The following CCDC126 variants were observed in gnomAD, a reference collection of about 807,000 sequenced individuals.
The protein encoded by CCDC126 is coiled-coil domain-containing protein 126.
CCDC126 carries 5 observed loss-of-function variants against 11.7 expected under a neutral mutation model. That is an observed-to-expected ratio of 0.43 (90% CI 0.22 to 0.90). CCDC126 has a LOEUF of 0.90. Ranked by LOEUF, CCDC126 falls within the 40% of genes least tolerant of loss-of-function variation. CCDC126 has a pLI of 0.27. For missense variants in CCDC126, 150 were observed against 163.1 expected (o/e 0.92, Z 0.44); for synonymous variants, 60 against 61.9 (o/e 0.97, Z 0.14).
intron 2 of CCDC126, among the ~76,000 whole-genome samples, chr7:23,607,159 G>T (rs1782637500): frequency 1.3e-5 from 2 of 152,038 alleles, no homozygotes; most frequent in South Asian, 4.1e-4. Flanking sequence ...CAAGTTTTGT[G>T]TTTTTTTTAA....
At chr7:23,636,600 A>G in intron 3 of CCDC126, among the ~76,000 whole-genome samples, 1 of 112,198 alleles carries the variant, frequency 8.9e-6, no homozygotes, top group African/African-American at 3.6e-5. Context: ...GCCCCGTCTG[A>G]GAAGTGAGGA....
At chr7:23,605,284 A>C (rs1471832399) in intron 2 of CCDC126, among the ~76,000 whole-genome samples, 5 of 152,084 alleles carry the variant, frequency 3.3e-5, no homozygotes, top group African/African-American at 4.8e-5. Flanking sequence ...TAGAAGTCAG[A>C]TTATGTAGGG....
intron 3 of CCDC126, among the ~76,000 whole-genome samples, chr7:23,627,233 C>T (rs1783031330): frequency 6.6e-6 from 1 of 152,042 alleles, no homozygotes; most frequent in African/African-American, 2.4e-5. Flanking sequence ...AAATAGATGC[C>T]AGCCAGGTGC....
chr7:23,624,237 A>T (rs1351143786), intron 3 of CCDC126, among the ~76,000 whole-genome samples: 1 of 152,220 alleles, frequency 6.6e-6, no homozygotes, highest in Non-Finnish European at 1.5e-5. Context: ...GTGGGTACCT[A>T]GACTAAGCTT....
intron 3 of CCDC126, among the ~76,000 whole-genome samples, chr7:23,618,516 A>G (rs1301718407): frequency 1.3e-5 from 2 of 150,840 alleles, no homozygotes; most frequent in Non-Finnish European, 3.0e-5. Flanking sequence ...CCTCCCAACA[A>G]CTGGAGACAA....
chr7:23,612,367 A>C (rs1014245915), intron 3 of CCDC126, among the ~76,000 whole-genome samples: 15 of 144,992 alleles, frequency 1.0e-4, no homozygotes, highest in Non-Finnish European at 1.7e-4. Context: ...CGGGAGACTG[A>C]GGCAGGATGA....
At chr7:23,602,398 A>T (rs1004174616) in intron 2 of CCDC126, among the ~76,000 whole-genome samples, 1 of 152,186 alleles carries the variant, frequency 6.6e-6, no homozygotes, top group Non-Finnish European at 1.5e-5. Context: ...CACCAATAAG[A>T]ATATATTTTT....
intron 3 of CCDC126, among the ~76,000 whole-genome samples, chr7:23,623,191 T>C (rs1264474815): frequency 6.6e-6 from 1 of 151,760 alleles, no homozygotes; most frequent in East Asian, 1.9e-4. Context: ...CTTTTGTATT[T>C]TTACTACAGA....
intron 3 of CCDC126, among the ~76,000 whole-genome samples, chr7:23,619,073 T>C (rs1782844026): frequency 6.6e-6 from 1 of 152,164 alleles, no homozygotes; most frequent in African/African-American, 2.4e-5. Context: ...CTTCATTTAC[T>C]CTTCCAGTTT....
intron 2 of CCDC126, among the ~76,000 whole-genome samples, chr7:23,598,805 A>G (rs1782477853): frequency 6.6e-6 from 1 of 152,242 alleles, no homozygotes; most frequent in African/African-American, 2.4e-5. Flanking sequence ...GGCTACGGAA[A>G]TAGGAGTCCT....
Position 23,643,030 on chromosome 7 carries a change from C to G in CCDC126, c.338C>G (p.Ala113Gly). 1 of 1,614,034 alleles carries G rather than the reference C, an allele frequency of 6.2e-7. No individual in the cohort carries two copies. The change falls in exon 4 of 4, where the codon GCA becomes GGA. Residue 113 changes from alanine (A) to glycine (G), a missense_variant. Transcript: ENST00000307471. ...GACTATATTGTTGTGAATGGCTCAG[C>G]AGCCAACACCACCAATGGTACTAGT... Reference protein sequence around the residue: ...KVDYIVVNGSAANTTNGTSGN... With the variant: ...KVDYIVVNGSGANTTNGTSGN...
At chr7:23,620,171 T>C (rs1035399374) in intron 3 of CCDC126, among the ~76,000 whole-genome samples, 9 of 152,330 alleles carry the variant, frequency 5.9e-5, no homozygotes, top group East Asian at 3.9e-4. Flanking sequence ...CCTTCCACAA[T>C]GGTTGAACTA....
rs2128024040 is a variant in CCDC126, at chr7:23,644,008, G to A, written c.*893G>A. 1 of 152,174 alleles carries A rather than the reference G, an allele frequency of 6.6e-6. No homozygotes were observed. The highest frequency in any genetic ancestry group is 2.1e-4 in the South Asian group (1 of 4,822). 9.4% of individuals were successfully genotyped at this position (152,174 alleles called of 1,614,324 possible). On this transcript the variant is annotated 3_prime_UTR_variant, in exon 4 of 4. Coordinates refer to ENST00000307471, the MANE Select transcript of CCDC126 (RefSeq NM_138771.4). ...TTTTGCTTTTATTATATTGGTCTAG[G>A]AGGAAGGGACTTTGGAGAATGGAAC...
At position 23,642,972 on chromosome 7, in the gene CCDC126, T is replaced by G; in HGVS notation, c.280T>G (p.Leu94Val). 6.2e-7 allele frequency: 1 copy of G among 1,614,146 alleles called. No individual in the cohort carries two copies. The highest frequency in any genetic ancestry group is 8.5e-7 in the Non-Finnish European group (1 of 1,180,004). Reference protein sequence around the residue: ...RTIAVLLDDILQRLVKLENKV... With the variant: ...RTIAVLLDDIVQRLVKLENKV... The stretch of plus-strand genomic sequence containing the variant: ...AATTGCTGTCCTTCTGGATGACATT[T>G]TGCAACGATTGGTGAAGCTGGAGAA... Residue 94 changes from leucine to valine, a missense_variant, in exon 4 of 4, where the codon TTG (leucine) becomes GTG (valine). Leu to Val is a conservative substitution (Grantham distance 32). Coordinates refer to ENST00000307471, the MANE Select transcript of CCDC126 (RefSeq NM_138771.4).
chr7:23,635,775 G>A (rs898988179), intron 3 of CCDC126, among the ~76,000 whole-genome samples: 2 of 152,062 alleles, frequency 1.3e-5, no homozygotes, highest in Non-Finnish European at 2.9e-5. Flanking sequence ...TAAGTGATTA[G>A]ACTGCACCTT....
chr7:23,614,399 T>C (rs186139392), intron 3 of CCDC126, among the ~76,000 whole-genome samples: 29 of 152,346 alleles, frequency 1.9e-4, no homozygotes, highest in African/African-American at 7.0e-4. Flanking sequence ...CAGGCTCTAC[T>C]TCTCATTCTG....
chr7:23,627,475 A>G (rs56283444), intron 3 of CCDC126, among the ~76,000 whole-genome samples: 27,961 of 151,896 alleles, frequency 0.18, 2,958 homozygotes, highest in Non-Finnish European at 0.25. Flanking sequence ...GCTGAAGCAC[A>G]AGAATTGCTT....
Position 23,597,488 on chromosome 7 carries a change from C to G in CCDC126, c.-348C>G, listed in dbSNP as rs1222139108. ...CCCACCGGCGTTTCTCCAGCTCGAT[C>G]TGGAGGCTGCTTCGCCAGTGTGGGA... On this transcript the variant is annotated 5_prime_UTR_variant, in exon 1 of 4. It adds an upstream start codon to the 5' untranslated region. Transcript: ENST00000307471. 2 of 152,272 alleles carry G rather than the reference C, an allele frequency of 1.3e-5. No homozygotes were observed. Among genetic ancestry groups the G allele is most frequent in the Admixed American group, 6.5e-5 (1 of 15,292 alleles). The allele number at this position is 152,272 out of a possible 1,614,324, so 9.4% of individuals were successfully genotyped here.
At chr7:23,605,539 A>G (rs905089606) in intron 2 of CCDC126, among the ~76,000 whole-genome samples, 28 of 152,158 alleles carry the variant, frequency 1.8e-4, no homozygotes, top group African/African-American at 6.5e-4. Flanking sequence ...AACCATCACT[A>G]CCATCCATCT....
Sources: allele counts gnomAD v4.1 joint callset (sites outside exome capture counted in the v4.1 genomes callset), GRCh38; gene constraint gnomAD v4.1.1; transcripts MANE v1.5; gene names NCBI Gene and HGNC (gene_info 2026-07-23, HGNC 2026-07-21).